Variants in CFAP126 observed in about 807,000 individuals in gnomAD.
CFAP126 encodes cilia and flagella associated protein 126, also known as protein Flattop.
Under a neutral mutation model 17.1 loss-of-function variants are expected in CFAP126, and 21 were observed. The observed-to-expected ratio is 1.23, with a 90% CI of 0.87 to 1.77. CFAP126 has a LOEUF of 1.77. Ranked by LOEUF, CFAP126 falls within the 40% of genes most tolerant of loss-of-function variation. The pLI, the probability that CFAP126 is intolerant of heterozygous loss-of-function variation, is 0.00. For missense variants in CFAP126, 174 were observed against 215.4 expected (o/e 0.81, Z 1.20); for synonymous variants, 65 against 73.5 (o/e 0.88, Z 0.59).
chr1:161,364,865 G>T lies in CFAP126; in HGVS notation c.*100C>A. 4 of 1,136,812 alleles carry T rather than the reference G, an allele frequency of 3.5e-6. No individual in the cohort carries two copies. Among genetic ancestry groups the T allele is most frequent in the Non-Finnish European group, 3.8e-6 (3 of 786,426 alleles). 70.4% of individuals were successfully genotyped at this position (1,136,812 alleles called of 1,614,324 possible). On this transcript the variant is annotated 3_prime_UTR_variant, in exon 5 of 5. Coordinates refer to ENST00000367974, the MANE Select transcript of CFAP126 (RefSeq NM_001013625.4). Reference sequence around the variant, plus strand: ...CGCTATACGGGTTTTTCAGTGTGTGGCCACTTGGTCCATATGAAGTTCCAG... The same window carrying T: ...CGCTATACGGGTTTTTCAGTGTGTGTCCACTTGGTCCATATGAAGTTCCAG...
At chr1:161,365,292 TTTCTC>T (rs1672689155) in intron 4 of CFAP126, 142 bp from the exon 5 acceptor site, 1 of 991,388 alleles carries the variant, frequency 1.0e-6, no homozygotes. Flanking sequence ...TTAAATTTGA[TTTCTC>T]TAACCACCCT....
At chr1:161,366,140 C>G in intron 3 of CFAP126, 58 bp downstream of exon 3, 1 of 1,335,980 alleles carries the variant, frequency 7.5e-7, no homozygotes, top group Non-Finnish European at 1.1e-6. Flanking sequence ...CTGCACATCT[C>G]CCAGTTCTGT....
chr1:161,365,238 C>A, intron 4 of CFAP126, 88 bp from the exon 5 acceptor site: 1 of 1,313,666 alleles, frequency 7.6e-7, no homozygotes, highest in Admixed American at 2.1e-5. Context: ...AACTCCCTTT[C>A]TCCCCATACC....
Position 161,364,733 on chromosome 1 carries a change from A to G in CFAP126, c.*232T>C, listed in dbSNP as rs1393357282. On this transcript the variant is annotated 3_prime_UTR_variant, in exon 5 of 5. Coordinates refer to ENST00000367974, the MANE Select transcript of CFAP126 (RefSeq NM_001013625.4). ...CAAGAATGGAAAATCCAGATCAGTA[A>G]AAGATTCAACAAAAAAAAGTTTATT... 2.0e-6 allele frequency: 1 copy of G among 499,566 alleles called. No homozygotes were observed. Among genetic ancestry groups the G allele is most frequent in the African/African-American group, 1.9e-5 (1 of 51,964 alleles). 30.9% of individuals were successfully genotyped at this position (499,566 alleles called of 1,614,324 possible). A position where few individuals can be genotyped will look rare whatever the true frequency, so the allele number is the denominator to read the frequency against.
chr1:161,365,703 C>T lies in CFAP126; in HGVS notation c.172-1G>A. ...CCATGAAGGAACCCCAAGGATTTGCCTAAAAATGAAAAGGGATTCCTCAGT... is the reference window on the plus strand; with the variant it reads ...CCATGAAGGAACCCCAAGGATTTGCTTAAAAATGAAAAGGGATTCCTCAGT... On this transcript the variant is annotated splice_acceptor_variant, in intron 3 of 4. Coordinates refer to ENST00000367974, the MANE Select transcript of CFAP126 (RefSeq NM_001013625.4). LOFTEE classifies it high-confidence loss of function. 1 of 1,576,228 alleles carries T rather than the reference C, an allele frequency of 6.3e-7. No individual in the cohort carries two copies. Among genetic ancestry groups the T allele is most frequent in the Non-Finnish European group, 8.6e-7 (1 of 1,163,022 alleles).
Position 161,366,438 on chromosome 1 carries a change from C to A in CFAP126, c.90+1G>T. 3 of 1,613,438 alleles carry A rather than the reference C, an allele frequency of 1.9e-6. No individual in the cohort carries two copies. The highest frequency in any genetic ancestry group is 2.5e-6 in the Non-Finnish European group (3 of 1,179,416). ...TTGTAGGTGCACTGAACATGGAATA[C>A]CTCTTTTGTTGGCTTAGTGGGAGAC... On this transcript the variant is annotated splice_donor_variant, in intron 2 of 4. Coordinates refer to ENST00000367974, the MANE Select transcript of CFAP126 (RefSeq NM_001013625.4). LOFTEE classifies it high-confidence loss of function.
At position 161,366,197 on chromosome 1, in the gene CFAP126, C is replaced by T. The variant is rs544461622; in HGVS notation, c.171+1G>A. On this transcript the variant is annotated splice_donor_variant, in intron 3 of 4. Transcript: ENST00000367974. LOFTEE classifies it high-confidence loss of function. ...TGATAGGAGTGAAGATAGTATCTCA[C>T]CTTGGAACGGGGCACAGAAGGCAGT... 6.9e-6 allele frequency: 11 copies of T among 1,604,998 alleles called. No individual in the cohort carries two copies. The African/African-American group carries it at 8.0e-5, about 12-fold the overall frequency.
chr1:161,365,441 A>G lies in CFAP126; in HGVS notation c.348+85T>C, dbSNP rs961800796. 6.1e-6 allele frequency: 9 copies of G among 1,479,546 alleles called. No homozygotes were observed. The African/African-American group carries it at 9.7e-5, about 16-fold the overall frequency. 91.7% of individuals were successfully genotyped at this position (1,479,546 alleles called of 1,614,324 possible). A position where few individuals can be genotyped will look rare whatever the true frequency, so the allele number is the denominator to read the frequency against. On this transcript the variant is annotated intron_variant, in intron 4 of 4. Coordinates refer to ENST00000367974, the MANE Select transcript of CFAP126 (RefSeq NM_001013625.4). ...GGTTAGAGGTCCCCCATGCTGGGAT[A>G]GTGGTGGCATAACAATAGACATTTT...
At chr1:161,366,014 A>G (rs1672717315) in intron 3 of CFAP126, 184 bp downstream of exon 3, 1 of 632,904 alleles carries the variant, frequency 1.6e-6, no homozygotes, top group South Asian at 1.9e-5. Context: ...AGAACTTCTG[A>G]AGGGTGCTAA....
chr1:161,365,246 A>C, intron 4 of CFAP126, 96 bp from the exon 5 acceptor site: 1 of 1,233,968 alleles, frequency 8.1e-7, no homozygotes, highest in South Asian at 1.4e-5. Context: ...TTCTCCCCAT[A>C]CCATGGGCAG....
At position 161,365,140 on chromosome 1, in the gene CFAP126, G is replaced by A. The variant is rs1477381213; in HGVS notation, c.359C>T (p.Pro120Leu). ...CTTTCTGAGTTTCTTCTGACTGTCT[G>A]GATCATGGGGCTGTCAGTGATAAGA... ...CPEILGKPHD[P>L]DSQKKLRKKS... Residue 120 changes from proline to leucine, a missense_variant, in exon 5 of 5, where the codon CCA becomes CTA. By Grantham distance (98) the Pro-to-Leu change is moderately conservative. Transcript: ENST00000367974. The A allele has an allele frequency of 9.3e-6, 15 of 1,613,928 alleles. No individual in the cohort carries two copies. Among genetic ancestry groups the A allele is most frequent in the Non-Finnish European group, 1.3e-5 (15 of 1,179,920 alleles).
At chr1:161,366,417 A>G in intron 2 of CFAP126, 22 bp downstream of exon 2, 1 of 1,608,194 alleles carries the variant, frequency 6.2e-7, no homozygotes, top group South Asian at 1.1e-5. Context: ...GCTATCTTGT[A>G]GGTGCACTGA....
chr1:161,367,786 A>G (rs1672786621), intron 1 of CFAP126, 56 bp downstream of exon 1: 2 of 1,502,642 alleles, frequency 1.3e-6, no homozygotes, highest in African/African-American at 2.8e-5. Context: ...GACAGTCCAA[A>G]GATAGAATCT....
intron 1 of CFAP126, chr1:161,367,167 T>C (rs1035602486): frequency 1.3e-5 from 2 of 152,270 alleles, no homozygotes; most frequent in African/African-American, 4.8e-5. Context: ...TTTGGATTTA[T>C]TGGGTTAAAT....
Position 161,366,463 on chromosome 1 carries a change from C to A in CFAP126, c.66G>T (p.Trp22Cys). 1 of 1,614,038 alleles carries A rather than the reference C, an allele frequency of 6.2e-7. No individual in the cohort carries two copies. Among genetic ancestry groups the A allele is most frequent in the Non-Finnish European group, 8.5e-7 (1 of 1,179,972 alleles). The change falls in exon 2 of 5, where the codon TGG (tryptophan) becomes TGT (cysteine). Residue 22 changes from tryptophan (W) to cysteine (C), a missense_variant. Trp to Cys is a radical substitution (Grantham distance 215). Transcript: ENST00000367974. ...KAFSSKYLQN[W>C]SPTKPTKESI... ...CCTCTTTTGTTGGCTTAGTGGGAGA[C>A]CAGTTCTGCAGATACTTGGATGAGA...
chr1:161,365,370 TC>T, intron 4 of CFAP126, 155 bp downstream of exon 4: 2 of 983,528 alleles, frequency 2.0e-6, no homozygotes, highest in Non-Finnish European at 3.1e-6. Flanking sequence ...GCCCATCCCT[TC>T]AGGCCTCAGA....
Position 161,365,540 on chromosome 1 carries a change from C to G in CFAP126, c.334G>C (p.Glu112Gln). 6.2e-7 allele frequency: 1 copy of G among 1,614,190 alleles called. No individual in the cohort carries two copies. Among genetic ancestry groups the G allele is most frequent in the Non-Finnish European group, 8.5e-7 (1 of 1,180,022 alleles). Reference sequence around the variant, plus strand: ...AGAATAGATACCTTGCCTAAGATTTCAGGACACAGCCCATTGGAGGCCTTG... The same window carrying G: ...AGAATAGATACCTTGCCTAAGATTTGAGGACACAGCCCATTGGAGGCCTTG... ...LLKASNGLCP[E>Q]ILGKPHDPDS... Residue 112 changes from glutamate to glutamine, a missense_variant, in exon 4 of 5, where the codon GAA becomes CAA. Glu to Gln is a conservative substitution (Grantham distance 29, BLOSUM62 2). Transcript: ENST00000367974.
chr1:161,365,167 T>A lies in CFAP126; in HGVS notation c.349-17A>T, dbSNP rs754206534. 160 of 1,611,810 alleles carry A rather than the reference T, an allele frequency of 9.9e-5. No homozygotes were observed. Among genetic ancestry groups the A allele is most frequent in the Non-Finnish European group, 1.3e-4 (157 of 1,178,128 alleles). On this transcript the variant is annotated splice_polypyrimidine_tract_variant and intron_variant, in intron 4 of 4. Transcript: ENST00000367974. ...ATCATGGGGCTGTCAGTGATAAGAGTGGGAGAGATAGTCATGTCTCTGGTC... is the reference window on the plus strand; with the variant it reads ...ATCATGGGGCTGTCAGTGATAAGAGAGGGAGAGATAGTCATGTCTCTGGTC...
Position 161,365,783 on chromosome 1 carries a change from A to G in CFAP126, c.172-81T>C. 4.0e-6 allele frequency: 5 copies of G among 1,246,078 alleles called. No individual in the cohort carries two copies. The East Asian group carries it at 9.4e-5, about 24-fold the overall frequency. 77.2% of individuals were successfully genotyped at this position (1,246,078 alleles called of 1,614,324 possible). On this transcript the variant is annotated intron_variant, in intron 3 of 4. Coordinates refer to ENST00000367974, the MANE Select transcript of CFAP126 (RefSeq NM_001013625.4). ...GACCTCTGTATTATTTCCTTTCTTT[A>G]CCTTTAGGAATGCATGGTTATGAAA...
Sources: gnomAD v4.1 joint callset for allele counts on GRCh38, gnomAD v4.1.1 for gene constraint, MANE v1.5 for transcripts, NCBI Gene and HGNC (gene_info 2026-07-23, HGNC 2026-07-21) for gene names.